Variants in MYO1B observed in about 807,000 individuals in gnomAD.
The protein encoded by MYO1B is unconventional myosin-Ib.
MYO1B carries 72 observed loss-of-function variants against 159.7 expected under a neutral mutation model. That is an observed-to-expected ratio of 0.45 (90% CI 0.37 to 0.55). The LOEUF is 0.55. MYO1B is among the 20% of genes least tolerant of loss of function. The probability of loss-of-function intolerance (pLI) is 0.00; values close to 1 mark genes in which losing one functional copy is unlikely to be tolerated. For missense variants in MYO1B, 1,062 were observed against 1,364.8 expected (o/e 0.78, Z 3.50); for synonymous variants, 468 against 473.8 (o/e 0.99, Z 0.16).
chr2:191,388,031 C>T (rs773984281), intron 17 of MYO1B: 53 of 156,314 alleles, frequency 3.4e-4, no homozygotes, highest in Non-Finnish European at 6.9e-4. Context: ...CACCTATAAT[C>T]CCAACACTTA....
chr2:191,311,337 C>T (rs573353000), intron 3 of MYO1B, among the ~76,000 whole-genome samples: 25 of 152,302 alleles, frequency 1.6e-4, no homozygotes, highest in Non-Finnish European at 3.1e-4. Context: ...CAGACCTCTA[C>T]CTTGGGAAAA....
Position 191,416,225 on chromosome 2 carries a change from T to G in MYO1B, c.3270T>G (p.Asn1090Lys), listed in dbSNP as rs971514506. Residue 1090 changes from asparagine (N) to lysine (K), a missense_variant, in exon 30 of 31, where the codon AAT (asparagine) becomes AAG (lysine). Asn to Lys is a moderately conservative substitution (Grantham distance 94). This residue lies in a region of MYO1B where 609 missense variants were observed against 744.4 expected (regional missense o/e 0.82). Transcript: ENST00000392318. ...TCAGCCAAACCAAACAGAAGCTCAA[T>G]ATTGAGATTTCCGATGAGTACGTTC... is the stretch of plus-strand genomic sequence containing the variant. ...TTLSQTKQKL[N>K]IEISDEFLVQ... 1.9e-6 allele frequency: 3 copies of G among 1,614,020 alleles called. No homozygotes were observed. In the African/African-American group the frequency reaches 4.0e-5, roughly 22 times the overall value.
intron 16 of MYO1B, among the ~76,000 whole-genome samples, chr2:191,386,363 T>TA (rs1358681953): frequency 2.6e-5 from 4 of 152,188 alleles, no homozygotes; most frequent in African/African-American, 9.7e-5. Flanking sequence ...AGCTATCCTA[T>TA]AAAAAATATC....
intron 1 of MYO1B, among the ~76,000 whole-genome samples, chr2:191,257,008 T>C (rs537946357): frequency 6.6e-6 from 1 of 152,266 alleles, no homozygotes; most frequent in Admixed American, 6.5e-5. Flanking sequence ...TTAGTGGTCC[T>C]CTTGCCATAT....
intron 4 of MYO1B, 104 bp downstream of exon 4, chr2:191,330,133 A>C (rs1043476576): frequency 1.5e-5 from 13 of 882,692 alleles, no homozygotes; most frequent in African/African-American, 1.2e-4. Flanking sequence ...TCGCAGGGCC[A>C]CTGTGAGGGT....
At chr2:191,269,947 C>T (rs1053755208) in intron 1 of MYO1B, among the ~76,000 whole-genome samples, 3 of 152,076 alleles carry the variant, frequency 2.0e-5, no homozygotes, top group African/African-American at 7.2e-5. Flanking sequence ...ATGATTGATA[C>T]AAATTTTGGA....
In MYO1B at chr2:191,392,100, T is replaced by G. The variant is rs750813042; in HGVS notation, c.1983-8T>G. The stretch of plus-strand genomic sequence containing the variant: ...GAAAACTCACTGTTTTTATTTTTAT[T>G]TTTTTAGGTCTGGTGTGGAGGTCCT... On this transcript the variant is annotated splice_region_variant and splice_polypyrimidine_tract_variant and intron_variant, in intron 18 of 30. Transcript: ENST00000392318. The G allele has an allele frequency of 1.3e-6, 2 of 1,584,904 alleles. No individual in the cohort carries two copies. Among genetic ancestry groups the G allele is most frequent in the Admixed American group, 1.7e-5 (1 of 58,712 alleles).
At chr2:191,246,550 GC>G (rs71030330) in intron 1 of MYO1B, among the ~76,000 whole-genome samples, 138,827 of 148,092 alleles carry the variant, frequency 0.94, 65,355 homozygotes, top group Non-Finnish European at 1. Flanking sequence ...AGTGAAAGAA[GC>G]CCCCCCCCCT....
chr2:191,408,332 G>A (rs567837265), intron 25 of MYO1B, 143 bp downstream of exon 25: 2 of 589,688 alleles, frequency 3.4e-6, no homozygotes, highest in Middle Eastern at 3.5e-4. Flanking sequence ...GACACTGAGA[G>A]TTAGTTATCT....
chr2:191,409,060 T>C lies in MYO1B; in HGVS notation c.2648T>C (p.Leu883Ser). The change falls in exon 26 of 31, where the codon TTG (leucine) becomes TCG (serine). Residue 883 changes from leucine to serine, a missense_variant. Transcript: ENST00000392318. The part of the protein sequence containing the change: ...TLQRIVQKYF[L>S]EMKNKMPSLS... The stretch of plus-strand genomic sequence containing the variant: ...CCAACACAGGTGCAAAAATACTTCT[T>C]GGAAATGAAAAATAAGATGCCTTCC... The C allele has an allele frequency of 1.2e-6, 2 of 1,609,834 alleles. No homozygotes were observed.
chr2:191,396,834 T>G (rs547958430), intron 21 of MYO1B, among the ~76,000 whole-genome samples: 3 of 152,332 alleles, frequency 2.0e-5, no homozygotes, highest in African/African-American at 7.2e-5. Flanking sequence ...GCTTTCATAC[T>G]CAGAATCCCT....
intron 17 of MYO1B, among the ~76,000 whole-genome samples, chr2:191,389,743 T>C (rs909240033): frequency 6.6e-6 from 1 of 152,334 alleles, no homozygotes; most frequent in Non-Finnish European, 1.5e-5. Flanking sequence ...TTTTTTATCT[T>C]TTTATTGAGG....
intron 11 of MYO1B, among the ~76,000 whole-genome samples, chr2:191,366,951 G>C (rs759823971): frequency 5.9e-5 from 9 of 151,798 alleles, no homozygotes; most frequent in Non-Finnish European, 1.2e-4. Context: ...TAAGCTCCTG[G>C]AGGGCAGGCC....
intron 1 of MYO1B, among the ~76,000 whole-genome samples, chr2:191,273,948 C>T (rs958944217): frequency 6.6e-6 from 1 of 152,158 alleles, no homozygotes; most frequent in Non-Finnish European, 1.5e-5. Flanking sequence ...AATACATGAA[C>T]TAATTTCATT....
chr2:191,309,669 A>G (rs944246910), intron 3 of MYO1B, among the ~76,000 whole-genome samples: 1 of 152,270 alleles, frequency 6.6e-6, no homozygotes, highest in African/African-American at 2.4e-5. Flanking sequence ...TGAACATGCC[A>G]CTGTCAGCAT....
intron 26 of MYO1B, 108 bp from the exon 27 acceptor site, chr2:191,410,957 AC>A: frequency 1.6e-6 from 1 of 636,890 alleles, no homozygotes; most frequent in South Asian, 2.8e-5. Context: ...AATGTTTTGT[AC>A]TTTCTCCCTT....
At position 191,360,747 on chromosome 2, in the gene MYO1B, T is replaced by TGTGGTG. The variant is rs113774397; in HGVS notation, c.661+19_661+24dup. 8.0e-5 allele frequency: 93 copies of TGTGGTG among 1,158,960 alleles called. No homozygotes were observed. The African/African-American group carries it at 1.6e-3, about 20-fold the overall frequency. 71.8% of individuals were successfully genotyped at this position (1,158,960 alleles called of 1,614,324 possible). A position where few individuals can be genotyped will look rare whatever the true frequency, so the allele number is the denominator to read the frequency against. Reference sequence around the variant, plus strand: ...GCTCCTCAGTAAGTCTCTGTTTCTATGTGGTGTTGTTGTTGTTGTTGTTGT... The same window carrying TGTGGTG: ...GCTCCTCAGTAAGTCTCTGTTTCTATGTGGTGGTGGTGTTGTTGTTGTTGTTGTTGT... On this transcript the variant is annotated intron_variant, in intron 8 of 30. Coordinates refer to ENST00000392318, the MANE Select transcript of MYO1B (RefSeq NM_001130158.3).
At position 191,321,009 on chromosome 2, in the gene MYO1B, C is replaced by CACAAGGAAGCTCAAGA. The variant is rs1364353377; in HGVS notation, c.252-8926_252-8925insACAAGGAAGCTCAAGA. Among the ~76,000 whole-genome samples, 5 of 152,212 alleles carry CACAAGGAAGCTCAAGA rather than the reference C, an allele frequency of 3.3e-5. No individual in the cohort carries two copies. In the East Asian group the frequency reaches 9.7e-4, roughly 29 times the overall value. ...TCTAGGGCAGATGGGGCACTGGGGGCTGTCAGAGTTAGAGGAGAGTGTTTT... is the reference window on the plus strand; with the variant it reads ...TCTAGGGCAGATGGGGCACTGGGGGCACAAGGAAGCTCAAGATGTCAGAGTTAGAGGAGAGTGTTTT... On this transcript the variant is annotated intron_variant, in intron 3 of 30. Coordinates refer to ENST00000392318, the MANE Select transcript of MYO1B (RefSeq NM_001130158.3).
At chr2:191,387,102 CAG>C in intron 16 of MYO1B, 120 bp from the exon 17 acceptor site, 4 of 940,564 alleles carry the variant, frequency 4.3e-6, no homozygotes, top group Non-Finnish European at 4.8e-6. Context: ...ACTAACATGT[CAG>C]GGATTTTTTG....
Sources: gnomAD v4.1 joint callset for allele counts (sites outside exome capture counted in the v4.1 genomes callset) on GRCh38, gnomAD v4.1.1 for gene constraint, gnomAD v4.1.1 regional missense constraint, MANE v1.5 for transcripts, NCBI Gene and HGNC (gene_info 2026-07-23, HGNC 2026-07-21) for gene names.